Variants in FAM227B observed in about 807,000 individuals in gnomAD.
FAM227B encodes the protein family with sequence similarity 227 member B, also known as protein FAM227B.
FAM227B carries 88 observed loss-of-function variants against 73.8 expected under a neutral mutation model. That is an observed-to-expected ratio of 1.19 (90% CI 1.00 to 1.42). The LOEUF (loss-of-function observed/expected upper bound fraction) is 1.42. Among genes scored for constraint, FAM227B ranks in the 40% most tolerant of loss-of-function variants. The probability of loss-of-function intolerance (pLI) is 0.00; values close to 1 mark genes in which losing one functional copy is unlikely to be tolerated. For missense variants in FAM227B, 632 were observed against 590.9 expected, an observed-to-expected ratio of 1.07 and a Z score of -0.72; for synonymous variants, 210 against 190.5, an observed-to-expected ratio of 1.10 and a Z score of -0.84.
intron 11 of FAM227B, among the ~76,000 whole-genome samples, chr15:49,481,836 T>G (rs998323188): frequency 2.6e-5 from 4 of 152,182 alleles, no homozygotes; most frequent in African/African-American, 9.6e-5. Flanking sequence ...GGACGAGCTC[T>G]GACTAGTGTT....
intron 3 of FAM227B, among the ~76,000 whole-genome samples, chr15:49,598,849 CTTGTTT>C (rs1567674661): frequency 6.6e-6 from 1 of 151,910 alleles, no homozygotes; most frequent in African/African-American, 2.4e-5. Flanking sequence ...ATTGGGTTCG[CTTGTTT>C]TTGTTGAGGA....
At chr15:49,421,379 G>A (rs2049612545) in intron 11 of FAM227B, among the ~76,000 whole-genome samples, 1 of 152,144 alleles carries the variant, frequency 6.6e-6, no homozygotes, top group South Asian at 2.1e-4. Flanking sequence ...CAGTTCCCTT[G>A]TTGATATTAA....
intron 11 of FAM227B, among the ~76,000 whole-genome samples, chr15:49,394,455 G>A (rs2047430042): frequency 6.6e-6 from 1 of 152,154 alleles, no homozygotes; most frequent in Non-Finnish European, 1.5e-5. Context: ...AAAGGTGGAA[G>A]TAGTTGTCTA....
At chr15:49,389,400 A>G (rs761731835) in intron 11 of FAM227B, among the ~76,000 whole-genome samples, 1 of 151,970 alleles carries the variant, frequency 6.6e-6, no homozygotes. Context: ...ACTGAAAACC[A>G]TATGTTCTCA....
At chr15:49,496,899 G>C (rs1383411359) in intron 11 of FAM227B, among the ~76,000 whole-genome samples, 1 of 151,136 alleles carries the variant, frequency 6.6e-6, no homozygotes. Flanking sequence ...CCTTCCTCCA[G>C]CACACAGAAT....
intron 11 of FAM227B, among the ~76,000 whole-genome samples, chr15:49,375,380 T>C (rs2046092946): frequency 6.6e-6 from 1 of 152,174 alleles, no homozygotes; most frequent in Non-Finnish European, 1.5e-5. Flanking sequence ...TATTTTGGCA[T>C]TTTTGGGAGT....
At chr15:49,458,059 A>C (rs1449112612) in intron 11 of FAM227B, among the ~76,000 whole-genome samples, 1 of 151,970 alleles carries the variant, frequency 6.6e-6, no homozygotes, top group East Asian at 1.9e-4. Flanking sequence ...CAAATGACAT[A>C]AAACATGTAA....
chr15:49,409,875 GT>G (rs2048759688), intron 11 of FAM227B, among the ~76,000 whole-genome samples: 1 of 152,116 alleles, frequency 6.6e-6, no homozygotes, highest in Non-Finnish European at 1.5e-5. Context: ...TGCAGTAAGT[GT>G]TATGTAAGGC....
intron 11 of FAM227B, among the ~76,000 whole-genome samples, chr15:49,475,689 C>T (rs536606175): frequency 6.6e-6 from 1 of 152,018 alleles, no homozygotes; most frequent in African/African-American, 2.4e-5. Context: ...ACACAATTTG[C>T]AGAAAATTTA....
At chr15:49,588,485 G>A (rs1479953252) in intron 4 of FAM227B, among the ~76,000 whole-genome samples, 1 of 138,030 alleles carries the variant, frequency 7.2e-6, no homozygotes, top group Non-Finnish European at 1.5e-5. Context: ...AATATGGGGG[G>A]CTCTGAAGTC....
intron 3 of FAM227B, among the ~76,000 whole-genome samples, chr15:49,602,700 T>C (rs117784605): frequency 1.3e-5 from 2 of 152,330 alleles, no homozygotes; most frequent in East Asian, 3.9e-4. Context: ...TTGTGGCATA[T>C]TGCTCAAGAA....
intron 10 of FAM227B, 125 bp downstream of exon 10, chr15:49,541,555 A>G (rs1470964760): frequency 4.0e-6 from 3 of 757,998 alleles, no homozygotes; most frequent in Non-Finnish European, 5.7e-6. Context: ...ACACATGGGT[A>G]CTGCTATGGC....
At chr15:49,474,575 A>G (rs534212250) in intron 11 of FAM227B, among the ~76,000 whole-genome samples, 2 of 152,248 alleles carry the variant, frequency 1.3e-5, no homozygotes, top group South Asian at 2.1e-4. Flanking sequence ...TGTTTAATAA[A>G]TAATGTTGAA....
chr15:49,455,028 T>C (rs1463189358), intron 11 of FAM227B, among the ~76,000 whole-genome samples: 1 of 152,178 alleles, frequency 6.6e-6, no homozygotes, highest in Non-Finnish European at 1.5e-5. Context: ...AACAGCAGTA[T>C]GATTTAAAGT....
chr15:49,580,519 G>A (rs190458634), intron 5 of FAM227B, among the ~76,000 whole-genome samples: 145 of 152,250 alleles, frequency 9.5e-4, no homozygotes, highest in Middle Eastern at 6.8e-3. Context: ...ACAGTTAAAG[G>A]AACATCAGCC....
chr15:49,443,992 G>A (rs72727293), intron 11 of FAM227B, among the ~76,000 whole-genome samples: 1,635 of 151,718 alleles, frequency 0.011, 20 homozygotes, highest in East Asian at 0.05. Flanking sequence ...ACTTTTGAGA[G>A]TAAAAGATTG....
intron 11 of FAM227B, among the ~76,000 whole-genome samples, chr15:49,397,112 G>C (rs902711318): frequency 6.6e-6 from 1 of 152,108 alleles, no homozygotes; most frequent in African/African-American, 2.4e-5. Flanking sequence ...AAATTTAGAA[G>C]AATGTATAAT....
At chr15:49,593,825 CTTG>C (rs1263039430) in intron 3 of FAM227B, among the ~76,000 whole-genome samples, 1 of 152,100 alleles carries the variant, frequency 6.6e-6, no homozygotes, top group Non-Finnish European at 1.5e-5. Flanking sequence ...ATTTTATCAA[CTTG>C]TTGATTGGGC....
chr15:49,586,927 G>A (rs2076203153), intron 5 of FAM227B, among the ~76,000 whole-genome samples: 1 of 152,116 alleles, frequency 6.6e-6, no homozygotes, highest in Non-Finnish European at 1.5e-5. Flanking sequence ...ATACACAGCT[G>A]GTGGGAATAT....
Sources: allele counts gnomAD v4.1 joint callset (sites outside exome capture counted in the v4.1 genomes callset), GRCh38; gene constraint gnomAD v4.1.1; transcripts MANE v1.5; gene names NCBI Gene and HGNC (gene_info 2026-07-23, HGNC 2026-07-21).